UXS1: variants seen among roughly 807,000 people sequenced by gnomAD.
UXS1 encodes UDP-glucuronic acid decarboxylase 1.
In UXS1, 33 loss-of-function variants were observed where a neutral mutation model predicts 62.6. The observed-to-expected ratio is 0.53, with a 90% CI of 0.40 to 0.70. The LOEUF is 0.70. Ranked by LOEUF, UXS1 falls within the 30% of genes least tolerant of loss-of-function variation. The probability of loss-of-function intolerance (pLI) is 0.00; values close to 1 mark genes in which losing one functional copy is unlikely to be tolerated. For synonymous variants in UXS1, 213 were observed against 206.8 expected (o/e 1.03, Z -0.26); for missense variants, 434 against 556.3 (o/e 0.78, Z 2.21).
intron 1 of UXS1, among the ~76,000 whole-genome samples, chr2:106,185,157 G>A (rs1414380591): frequency 1.3e-5 from 2 of 151,978 alleles, no homozygotes; most frequent in Admixed American, 6.6e-5. Flanking sequence ...CAACTCCACT[G>A]CCCAAATTGT....
intron 1 of UXS1, among the ~76,000 whole-genome samples, chr2:106,191,000 A>G (rs956452350): frequency 6.6e-6 from 1 of 152,226 alleles, no homozygotes; most frequent in Non-Finnish European, 1.5e-5. Context: ...TCAAGGGCTG[A>G]AACACATAAG....
chr2:106,141,304 A>G (rs1344794120), intron 6 of UXS1, among the ~76,000 whole-genome samples: 1 of 152,200 alleles, frequency 6.6e-6, no homozygotes, highest in Non-Finnish European at 1.5e-5. Flanking sequence ...AGGTTATATA[A>G]AAAGGGAGAA....
chr2:106,156,348 A>G (rs1682423581), intron 5 of UXS1, among the ~76,000 whole-genome samples: 1 of 152,208 alleles, frequency 6.6e-6, no homozygotes, highest in African/African-American at 2.4e-5. Context: ...ATCACTTCAC[A>G]CCCAGTAGAA....
At chr2:106,122,832 A>G (rs1420559324) in intron 9 of UXS1, 138 bp downstream of exon 9, 1 of 1,103,114 alleles carries the variant, frequency 9.1e-7, no homozygotes, top group African/African-American at 1.6e-5. Context: ...ATTAATTTAT[A>G]ATACTGGGAA....
chr2:106,125,729 C>T (rs1441390967), intron 7 of UXS1, 50 bp from the exon 8 acceptor site: 5 of 1,488,808 alleles, frequency 3.4e-6, no homozygotes, highest in Non-Finnish European at 4.5e-6. Context: ...CATGTGCAGG[C>T]ACATTTTTTG....
chr2:106,113,800 C>T lies in UXS1; in HGVS notation c.760-1035G>A, dbSNP rs757865462. Reference sequence around the variant, plus strand: ...CATGTGTCCGCCGTTCCCGCTCCACCGCTCACTGCCCAGGCCTGCCACTGA... The same window carrying T: ...CATGTGTCCGCCGTTCCCGCTCCACTGCTCACTGCCCAGGCCTGCCACTGA... On this transcript the variant is annotated intron_variant, in intron 9 of 14. Transcript: ENST00000283148. 3.9e-5 allele frequency among the ~76,000 whole-genome samples: 6 copies of T among 152,348 alleles called. No individual in the cohort carries two copies. The Middle Eastern group carries it at 0.01, about 259-fold the overall frequency.
In UXS1 at chr2:106,126,638, T is replaced by C. The variant is rs538121389; in HGVS notation, c.578-959A>G. ...ATGTAGTAGCTTCAAAATGAAGGAC[T>C]CTGAGATCTTTTTCTTCCTGATTAA... On this transcript the variant is annotated intron_variant, in intron 7 of 14. Coordinates refer to ENST00000283148, the MANE Select transcript of UXS1 (RefSeq NM_001253875.2). Among the ~76,000 whole-genome samples, 43 of 152,294 alleles carry C rather than the reference T, an allele frequency of 2.8e-4. No individual in the cohort carries two copies. In the South Asian group the frequency reaches 3.3e-3, roughly 12 times the overall value.
intron 6 of UXS1, among the ~76,000 whole-genome samples, chr2:106,142,822 A>C (rs1681227277): frequency 6.6e-6 from 1 of 152,204 alleles, no homozygotes; most frequent in South Asian, 2.1e-4. Context: ...CATAAATGCC[A>C]ACTGAGGGAA....
intron 4 of UXS1, among the ~76,000 whole-genome samples, chr2:106,162,471 T>C (rs1303505074): frequency 6.6e-6 from 1 of 152,168 alleles, no homozygotes; most frequent in African/African-American, 2.4e-5. Context: ...TAATCACTGG[T>C]GGACAAGTTT....
At chr2:106,157,985 T>C in intron 5 of UXS1, 73 bp downstream of exon 5, 1 of 1,265,988 alleles carries the variant, frequency 7.9e-7, no homozygotes, top group South Asian at 1.3e-5. Context: ...AATTCTATGA[T>C]ATGTGAATTA....
chr2:106,114,057 C>T (rs527251966), intron 9 of UXS1, among the ~76,000 whole-genome samples: 71 of 152,178 alleles, frequency 4.7e-4, no homozygotes, highest in African/African-American at 1.6e-3. Flanking sequence ...ACCAGTATAG[C>T]GAGTTAAAGG....
intron 12 of UXS1, 73 bp from the exon 13 acceptor site, chr2:106,098,846 G>T: frequency 7.1e-7 from 1 of 1,402,214 alleles, no homozygotes; most frequent in Non-Finnish European, 1.0e-6. Flanking sequence ...CCACAGGCGT[G>T]TCTGCAGAGA....
chr2:106,175,968 T>C (rs1683852201), intron 1 of UXS1, among the ~76,000 whole-genome samples: 1 of 152,186 alleles, frequency 6.6e-6, no homozygotes. Flanking sequence ...TTGATGCTCA[T>C]ACGCCCAGGT....
intron 9 of UXS1, among the ~76,000 whole-genome samples, chr2:106,115,767 T>C (rs1679008298): frequency 6.6e-6 from 1 of 152,188 alleles, no homozygotes; most frequent in Admixed American, 6.5e-5. Context: ...AACACAGGGG[T>C]TAAAACACTG....
chr2:106,170,056 CA>C (rs1683452636), intron 1 of UXS1, among the ~76,000 whole-genome samples: 1 of 152,216 alleles, frequency 6.6e-6, no homozygotes, highest in Admixed American at 6.5e-5. Flanking sequence ...CTCTCCTCCC[CA>C]GCTGCACCTC....
At chr2:106,185,992 G>C (rs1684524127) in intron 1 of UXS1, among the ~76,000 whole-genome samples, 1 of 152,184 alleles carries the variant, frequency 6.6e-6, no homozygotes, top group South Asian at 2.1e-4. Context: ...GGAGTAATTT[G>C]TTACAGCAGC....
At chr2:106,105,657 G>C (rs1421955472) in intron 10 of UXS1, among the ~76,000 whole-genome samples, 2 of 152,182 alleles carry the variant, frequency 1.3e-5, no homozygotes, top group Non-Finnish European at 2.9e-5. Context: ...CCTTTGCCCT[G>C]CTGGAGCCCA....
intron 1 of UXS1, among the ~76,000 whole-genome samples, chr2:106,193,919 CCGCCCGGGGTCCG>C (rs1685100008): frequency 6.6e-6 from 1 of 152,052 alleles, no homozygotes. Flanking sequence ...AGGGGCCCCT[CCGCCCGGGGTCCG>C]CGCCCGGGCC....
chr2:106,166,312 G>A (rs1330699888), intron 1 of UXS1: 2 of 455,408 alleles, frequency 4.4e-6, no homozygotes, highest in East Asian at 3.7e-5. Context: ...TGCAACCCAG[G>A]AACATCAATT....
Sources: gnomAD v4.1 joint callset for allele counts (sites outside exome capture counted in the v4.1 genomes callset) on GRCh38, gnomAD v4.1.1 for gene constraint, MANE v1.5 for transcripts, NCBI Gene and HGNC (gene_info 2026-07-23, HGNC 2026-07-21) for gene names.